Variants in TRIQK observed in about 807,000 individuals in gnomAD.
TRIQK encodes the protein triple QxxK/R motif-containing protein.
Under a neutral mutation model 10.8 loss-of-function variants are expected in TRIQK, and 10 were observed. The ratio of observed to expected loss-of-function variants is 0.92; its 90% CI spans 0.57 to 1.57. The LOEUF is 1.57. TRIQK is among the 40% of genes most tolerant of loss of function. TRIQK has a pLI of 0.00. For synonymous variants in TRIQK, 33 were observed against 33.7 expected, an observed-to-expected ratio of 0.98 and a Z score of 0.07; for missense variants, 107 against 97.7, an observed-to-expected ratio of 1.09 and a Z score of -0.40.
upstream of TRIQK, among the ~76,000 whole-genome samples, chr8:92,966,980 C>CA (rs10655820): frequency 0.48 from 32,859 of 68,644 alleles, 7,765 homozygotes; most frequent in South Asian, 0.67. Flanking sequence ...AAGTAGCATA[C>CA]AAAAAAAAAA....
At chr8:92,953,947 C>A (rs1812042312) in intron 2 of TRIQK, 1 of 151,856 alleles carries the variant, frequency 6.6e-6, no homozygotes, top group Non-Finnish European at 1.5e-5. Context: ...TATCAATTTA[C>A]TAAGAAATAT....
chr8:92,903,254 G>A (rs1809052914), intron 3 of TRIQK, among the ~76,000 whole-genome samples: 1 of 151,968 alleles, frequency 6.6e-6, no homozygotes, highest in Non-Finnish European at 1.5e-5. Context: ...GCTAGTTATT[G>A]TTTATATCAT....
chr8:92,990,856 G>T lies in TRIQK; in HGVS notation c.-181+26753C>A, dbSNP rs1289734698. On this transcript the variant is annotated intron_variant, in intron 1 of 4. Transcript: ENST00000520686. ...GGCAGACACCAAGCTAGCTGCAGGA[G>T]TTTTTTTTTCATACCCCAGTGGCAC... Among the ~76,000 whole-genome samples, 5 of 151,540 alleles carry T rather than the reference G, an allele frequency of 3.3e-5. No individual in the cohort carries two copies. In the East Asian group the frequency reaches 9.7e-4, roughly 29 times the overall value.
intron 3 of TRIQK, among the ~76,000 whole-genome samples, chr8:92,898,461 T>C: frequency 6.6e-6 from 1 of 152,146 alleles, no homozygotes; most frequent in East Asian, 1.9e-4. Context: ...ACTCCTTAGA[T>C]GGTTTTAAGA....
chr8:93,006,014 C>T (rs1346116167), intron 1 of TRIQK, among the ~76,000 whole-genome samples: 2 of 138,980 alleles, frequency 1.4e-5, no homozygotes, highest in Non-Finnish European at 3.1e-5. Context: ...TTGCTAATAG[C>T]GAACTATCTA....
intron 1 of TRIQK, among the ~76,000 whole-genome samples, chr8:93,000,402 A>G (rs1293396491): frequency 6.6e-6 from 1 of 152,202 alleles, no homozygotes; most frequent in South Asian, 2.1e-4. Flanking sequence ...ATGGTGGCCA[A>G]CAAGAGAGCA....
At chr8:92,933,591 T>C (rs888882333) in intron 2 of TRIQK, among the ~76,000 whole-genome samples, 2 of 152,012 alleles carry the variant, frequency 1.3e-5, no homozygotes, top group African/African-American at 2.4e-5. Context: ...GTCTGCAAAA[T>C]GGGTAGATAA....
chr8:92,889,193 A>C (rs1325126717), intron 4 of TRIQK, among the ~76,000 whole-genome samples: 2 of 151,682 alleles, frequency 1.3e-5, no homozygotes, highest in Non-Finnish European at 3.0e-5. Flanking sequence ...CTAAACATAC[A>C]TTTACAAAAA....
Position 92,886,591 on chromosome 8 carries a change from A to G in TRIQK, c.*31T>C. 1.4e-6 allele frequency: 2 copies of G among 1,383,050 alleles called. No individual in the cohort carries two copies. The highest frequency in any genetic ancestry group is 2.5e-5 in the Admixed American group (1 of 40,112). 85.7% of individuals were successfully genotyped at this position (1,383,050 alleles called of 1,614,324 possible). On this transcript the variant is annotated 3_prime_UTR_variant, in exon 5 of 5. Coordinates refer to ENST00000521988, the MANE Select transcript of TRIQK (RefSeq NM_001171797.2). ...TCCCAAAAGGTGCTTTCGTAAAGTT[A>G]TTTCTCTTTCATGCATTGATTGTTG...
chr8:92,896,630 C>A (rs1170618572), intron 3 of TRIQK, among the ~76,000 whole-genome samples: 1 of 152,036 alleles, frequency 6.6e-6, no homozygotes, highest in Non-Finnish European at 1.5e-5. Context: ...AATGCCTGCC[C>A]CAATGTGACC....
chr8:92,973,412 A>T (rs537634677), intron 1 of TRIQK: 85 of 152,348 alleles, frequency 5.6e-4, no homozygotes, highest in African/African-American at 2.0e-3. Flanking sequence ...TAGCAAGTAT[A>T]AAACACCACG....
chr8:92,886,539 T>G lies in TRIQK; in HGVS notation c.*83A>C. The G allele has an allele frequency of 1.4e-6, 1 of 719,494 alleles. No homozygotes were observed. Among genetic ancestry groups the G allele is most frequent in the Admixed American group, 3.0e-5 (1 of 33,398 alleles). 44.6% of individuals were successfully genotyped at this position (719,494 alleles called of 1,614,324 possible). A position where few individuals can be genotyped will look rare whatever the true frequency, so the allele number is the denominator to read the frequency against. ...ATATTAGCAGAAAGAATTAAAGATG[T>G]TACAGTTTCAGTATTGAAAGTTTTG... On this transcript the variant is annotated 3_prime_UTR_variant, in exon 5 of 5. Transcript: ENST00000521988.
intron 2 of TRIQK, among the ~76,000 whole-genome samples, chr8:92,933,285 A>C (rs866555661): frequency 3.9e-5 from 6 of 152,138 alleles, no homozygotes; most frequent in Non-Finnish European, 8.8e-5. Context: ...TTTTTGTATA[A>C]TATTTTACAA....
intron 1 of TRIQK, among the ~76,000 whole-genome samples, chr8:92,980,925 T>C (rs1255504409): frequency 1.3e-5 from 2 of 151,372 alleles, no homozygotes; most frequent in African/African-American, 4.8e-5. Context: ...TTTTATTAAT[T>C]TATTTCTGGT....
At chr8:92,986,010 T>C (rs1246039616) in intron 1 of TRIQK, among the ~76,000 whole-genome samples, 1 of 152,196 alleles carries the variant, frequency 6.6e-6, no homozygotes, top group Non-Finnish European at 1.5e-5. Context: ...AGCACATTTT[T>C]CCCTATATAT....
chr8:93,014,158 T>A (rs1482185037), intron 1 of TRIQK, among the ~76,000 whole-genome samples: 1 of 152,036 alleles, frequency 6.6e-6, no homozygotes, highest in Non-Finnish European at 1.5e-5. Context: ...TTGTGACAAA[T>A]AGGAAATATA....
chr8:92,952,184 T>C (rs778489266), intron 2 of TRIQK, among the ~76,000 whole-genome samples: 3 of 151,928 alleles, frequency 2.0e-5, no homozygotes, highest in African/African-American at 2.4e-5. Flanking sequence ...ATGATTAATA[T>C]GCCAAGGGCT....
intron 2 of TRIQK, among the ~76,000 whole-genome samples, chr8:92,941,796 T>G (rs1198922694): frequency 6.6e-6 from 1 of 152,132 alleles, no homozygotes; most frequent in Non-Finnish European, 1.5e-5. Flanking sequence ...GAGATAATTA[T>G]GAACAAGTGT....
In TRIQK at chr8:92,966,122, C is replaced by T. The variant is rs1275599584; in HGVS notation, c.-296G>A. ...ACAAGCCAGCCGCACACCCCTACTC[C>T]CAAAGGGTGAGGCGGAAAAGAGGCG... On this transcript the variant is annotated 5_prime_UTR_variant, in exon 1 of 5. Transcript: ENST00000521988. 1 of 152,284 alleles carries T rather than the reference C, an allele frequency of 6.6e-6. No homozygotes were observed. Among genetic ancestry groups the T allele is most frequent in the African/African-American group, 2.4e-5 (1 of 41,444 alleles). The allele number at this position is 152,284 out of a possible 1,614,324, so 9.4% of individuals were successfully genotyped here.
Sources: gnomAD v4.1 joint callset for allele counts (sites outside exome capture counted in the v4.1 genomes callset) on GRCh38, gnomAD v4.1.1 for gene constraint, MANE v1.5 for transcripts, NCBI Gene and HGNC (gene_info 2026-07-23, HGNC 2026-07-21) for gene names.